PUDP: variants seen among roughly 807,000 people sequenced by gnomAD.
The protein encoded by PUDP is pseudouridine 5'-phosphatase.
Under a neutral mutation model 9.4 loss-of-function variants are expected in PUDP, and 8 were observed. The observed-to-expected ratio is 0.85, with a 90% CI of 0.50 to 1.53. PUDP has a LOEUF of 1.53. PUDP is among the 40% of genes most tolerant of loss of function. The probability of loss-of-function intolerance (pLI) is 0.00; values close to 1 mark genes in which losing one functional copy is unlikely to be tolerated. For missense variants in PUDP, 188 were observed against 189.7 expected (o/e 0.99, Z 0.05); for synonymous variants, 99 against 80.7 (o/e 1.23, Z -1.22).
chrX:6,852,083 G>C (rs1926835158), intron 3 of PUDP, among the ~76,000 whole-genome samples: 1 of 112,130 alleles, frequency 8.9e-6, no homozygotes, highest in Non-Finnish European at 1.9e-5. Flanking sequence ...GCAGAAGAAA[G>C]TAACAACCTG....
At chrX:6,739,108 T>G (rs1395385273) in intron 3 of PUDP, among the ~76,000 whole-genome samples, 1 of 111,842 alleles carries the variant, frequency 8.9e-6, no homozygotes, top group South Asian at 3.8e-4. Context: ...CCTTCCTGAA[T>G]TGTGTTTGTG....
intron 3 of PUDP, among the ~76,000 whole-genome samples, chrX:6,891,725 C>T (rs916232877): frequency 8.9e-6 from 1 of 112,011 alleles, no homozygotes; most frequent in Non-Finnish European, 1.9e-5. Flanking sequence ...TAGTGTCCTC[C>T]ACCTTCCCTT....
chrX:7,062,883 C>A (rs1409811984), intron 3 of PUDP, among the ~76,000 whole-genome samples: 1 of 99,223 alleles, frequency 1.0e-5, no homozygotes, highest in Non-Finnish European at 2.0e-5. Context: ...AGCATGACTG[C>A]TTAATTTTTT....
At chrX:6,729,087 T>C (rs1446276784) in intron 3 of PUDP, among the ~76,000 whole-genome samples, 1 of 111,670 alleles carries the variant, frequency 9.0e-6, no homozygotes, top group Non-Finnish European at 1.9e-5. Flanking sequence ...ACATTAAGGG[T>C]ACAACTCTCA....
intron 3 of PUDP, among the ~76,000 whole-genome samples, chrX:6,932,105 G>A (rs749315868): frequency 9.9e-5 from 11 of 111,524 alleles, no homozygotes; most frequent in African/African-American, 3.3e-4. Flanking sequence ...CCATACATAA[G>A]TTAAGTTCGT....
intron 3 of PUDP, among the ~76,000 whole-genome samples, chrX:6,966,901 C>T (rs1928793754): frequency 9.0e-6 from 1 of 111,682 alleles, no homozygotes; most frequent in South Asian, 3.8e-4. Context: ...CTGGTTTTAA[C>T]AAGGTTCCCT....
intron 1 of PUDP, among the ~76,000 whole-genome samples, chrX:7,143,433 A>T (rs747455180): frequency 1.8e-5 from 2 of 112,292 alleles, no homozygotes; most frequent in African/African-American, 6.5e-5. Context: ...AGGATATTTT[A>T]CACCTGCATG....
chrX:6,720,258 G>GTATATATATATATATATATA (rs543397118), intron 1 of PUDP, among the ~76,000 whole-genome samples: 4 of 48,799 alleles, frequency 8.2e-5, no homozygotes, highest in East Asian at 6.4e-4. Context: ...GTGTGTGTGT[G>GTATATATATATATATATATA]TATATATATA....
intron 1 of PUDP, among the ~76,000 whole-genome samples, chrX:7,113,795 C>G (rs1195878631): frequency 1.8e-5 from 2 of 112,410 alleles, no homozygotes; most frequent in Non-Finnish European, 3.8e-5. Context: ...CCAGCAGCAT[C>G]AGTATGAAGT....
At chrX:6,873,006 A>G (rs926080472) in intron 3 of PUDP, among the ~76,000 whole-genome samples, 1 of 110,469 alleles carries the variant, frequency 9.1e-6, no homozygotes, top group Admixed American at 9.7e-5. Flanking sequence ...ACATAAAAAC[A>G]TCAGGTGGGA....
At chrX:6,739,083 T>G (rs1924906656) in intron 3 of PUDP, among the ~76,000 whole-genome samples, 1 of 111,613 alleles carries the variant, frequency 9.0e-6, no homozygotes, top group South Asian at 3.8e-4. Flanking sequence ...AGAACAACTA[T>G]TTGCATGTTC....
At chrX:7,089,523 C>T (rs1360910170) in intron 2 of PUDP, among the ~76,000 whole-genome samples, 1 of 111,512 alleles carries the variant, frequency 9.0e-6, no homozygotes, top group African/African-American at 3.3e-5. Context: ...ACTTCACATC[C>T]GGGATTTCAA....
In PUDP at chrX:6,888,759, C is replaced by T. The variant is rs1267720009; in HGVS notation, c.*247+88374G>A. Among the ~76,000 whole-genome samples the T allele has an allele frequency of 2.7e-5, 3 of 112,112 alleles. No individual in the cohort carries two copies. In the Admixed American group the frequency reaches 2.8e-4, roughly 11 times the overall value. ...CAGTGTCTGGCATCCTCATTAATGA[C>T]TCCAGAGAGACGCCAGTGACTGAAC... On this transcript the variant is annotated intron_variant and NMD_transcript_variant, in intron 3 of 3. Transcript: ENST00000655425.
At position 6,719,427 on chromosome X, in the gene PUDP, A is replaced by C. The variant is rs374428059; in HGVS notation, n.128+1990T>G. On this transcript the variant is annotated intron_variant and non_coding_transcript_variant, in intron 1 of 2. Coordinates refer to the PUDP transcript ENST00000438499. ...TATGAATTTTGGGGAAACACAGCTC[A>C]GTCCATAGAAACATCTAAGCTATGC... Among the ~76,000 whole-genome samples, 305 of 112,437 alleles carry C rather than the reference A, an allele frequency of 2.7e-3. 1 individual carries two copies. The highest frequency in any genetic ancestry group is 3.8e-3 in the Non-Finnish European group (205 of 53,284).
At chrX:7,087,868 T>C (rs1441503661) in intron 2 of PUDP, among the ~76,000 whole-genome samples, 2 of 112,034 alleles carry the variant, frequency 1.8e-5, no homozygotes, top group Non-Finnish European at 3.8e-5. Context: ...TTTGTGGCAA[T>C]AGGTGCTGTC....
At chrX:7,093,129 A>G (rs189793134) in intron 2 of PUDP, among the ~76,000 whole-genome samples, 5 of 111,856 alleles carry the variant, frequency 4.5e-5, no homozygotes, top group Non-Finnish European at 9.4e-5. Context: ...CCCCAAGGTG[A>G]AACTCTGTCC....
At chrX:6,901,537 T>C (rs763128517) in intron 3 of PUDP, among the ~76,000 whole-genome samples, 7 of 112,450 alleles carry the variant, frequency 6.2e-5, no homozygotes, top group Non-Finnish European at 9.4e-5. Flanking sequence ...CTTATTTACA[T>C]GCTTGCTCCA....
At position 6,800,884 on chromosome X, in the gene PUDP, C is replaced by T. The variant is rs1179652255; in HGVS notation, c.*248-94418G>A. On this transcript the variant is annotated intron_variant and NMD_transcript_variant, in intron 3 of 3. Coordinates refer to the PUDP transcript ENST00000655425. ...GCCCGCTGAGTCCACCAGCTGCATA[C>T]AAATAGCATCTCTCAATCCCTTCCT... Among the ~76,000 whole-genome samples the T allele has an allele frequency of 3.6e-5, 4 of 111,738 alleles. No individual in the cohort carries two copies. In the Admixed American group the frequency reaches 3.8e-4, roughly 11 times the overall value.
intron 1 of PUDP, among the ~76,000 whole-genome samples, chrX:7,140,178 C>A (rs1222217938): frequency 1.8e-5 from 2 of 112,394 alleles, no homozygotes; most frequent in Non-Finnish European, 3.8e-5. Flanking sequence ...TAAGCACCAA[C>A]AAGGCAATTT....
Sources: allele counts gnomAD v4.1 joint callset (sites outside exome capture counted in the v4.1 genomes callset), GRCh38; gene constraint gnomAD v4.1.1; transcripts MANE v1.5; gene names NCBI Gene and HGNC (gene_info 2026-07-23, HGNC 2026-07-21).